The following SBNO1 variants were observed in gnomAD, a reference collection of about 807,000 sequenced individuals.
The protein encoded by SBNO1 is protein strawberry notch homolog 1.
A neutral mutation model predicts 173.6 loss-of-function variants in SBNO1; 23 were observed. The ratio of observed to expected loss-of-function variants is 0.13; its 90% CI spans 0.10 to 0.19. The LOEUF is 0.19. SBNO1 is among the 10% of genes least tolerant of loss of function. SBNO1 has a pLI of 1.00. For synonymous variants in SBNO1, 632 were observed against 571.5 expected, an observed-to-expected ratio of 1.11 and a Z score of -1.51; for missense variants, 1,238 against 1,671.2, an observed-to-expected ratio of 0.74 and a Z score of 4.52.
At chr12:123,320,387 G>A (rs755031820) in intron 19 of SBNO1, 45 bp downstream of exon 19, 4 of 1,501,130 alleles carry the variant, frequency 2.7e-6, no homozygotes, top group Non-Finnish European at 3.7e-6. Flanking sequence ...ATTTTACAGG[G>A]GTTCAAATGG....
At chr12:123,345,718 T>G (rs1411293588) in intron 3 of SBNO1, 148 bp from the exon 4 acceptor site, 3 of 722,608 alleles carry the variant, frequency 4.2e-6, no homozygotes, top group Admixed American at 2.9e-5. Context: ...CATTCTGTCA[T>G]GCAGGCTGAA....
chr12:123,299,680 T>TAAA (rs2048718309), intron 30 of SBNO1, among the ~76,000 whole-genome samples: 1 of 24,706 alleles, frequency 4.0e-5, no homozygotes, highest in Non-Finnish European at 2.4e-4. Flanking sequence ...GACTCTGTCT[T>TAAA]CAAAAAAAAA....
chr12:123,309,348 G>C lies in SBNO1; in HGVS notation c.3592C>G (p.Leu1198Val). 1 of 1,614,154 alleles carries C rather than the reference G, an allele frequency of 6.2e-7. No homozygotes were observed. The highest frequency in any genetic ancestry group is 8.5e-7 in the Non-Finnish European group (1 of 1,179,984). The change falls in exon 28 of 32, where the codon CTG (leucine) becomes GTG (valine). Residue 1198 changes from leucine (L) to valine (V), a missense_variant. Physicochemically the swap from Leu to Val is conservative, Grantham distance 32. Transcript: ENST00000602398. ...WEEATKIWAE[L>V]TGPDDGFYLS... The stretch of plus-strand genomic sequence containing the variant: ...TAAAAGCCATCGTCTGGTCCTGTCA[G>C]CTCAGCCCAAATCTTGGTAGCTTCC...
chr12:123,318,030 T>C (rs950910561), intron 20 of SBNO1, among the ~76,000 whole-genome samples: 5 of 152,200 alleles, frequency 3.3e-5, no homozygotes, highest in African/African-American at 4.8e-5. Context: ...GGTGCAATCA[T>C]AGCTCTCTAC....
chr12:123,297,954 A>T, intron 31 of SBNO1, 24 bp downstream of exon 31: 1 of 1,608,132 alleles, frequency 6.2e-7, no homozygotes, highest in African/African-American at 1.3e-5. Flanking sequence ...CTGCAACTCA[A>T]ACCAAAACAA....
At chr12:123,311,732 A>G (rs61953423) in intron 24 of SBNO1, among the ~76,000 whole-genome samples, 1 of 111,132 alleles carries the variant, frequency 9.0e-6, no homozygotes, top group Non-Finnish European at 1.9e-5. Context: ...ATATATATAT[A>G]TATATATATA....
rs63648160 is a variant in SBNO1 at position 123,290,905 on chromosome 12, GT to G, written c.*5002del. ...GGCACCCGCCACCACGCCTGGCTAA[GT>G]TTTTTTTTTTTTTGTATTTTTAGTA... On this transcript the variant is annotated 3_prime_UTR_variant, in exon 32 of 32. Coordinates refer to ENST00000602398, the MANE Select transcript of SBNO1 (RefSeq NM_001167856.3). The G allele has an allele frequency of 0.05, 7,117 of 143,648 alleles. 291 individuals carry two copies. Among genetic ancestry groups the G allele is most frequent in the East Asian group, 0.25 (1,265 of 4,976 alleles). The allele number at this position is 143,648 out of a possible 1,614,324, so 8.9% of individuals were successfully genotyped here.
At chr12:123,322,342 T>TA (rs889398735) in intron 16 of SBNO1, among the ~76,000 whole-genome samples, 6 of 152,024 alleles carry the variant, frequency 3.9e-5, no homozygotes, top group Admixed American at 1.3e-4. Context: ...TCTCCCAGGC[T>TA]AAAGTGCAGT....
intron 4 of SBNO1, among the ~76,000 whole-genome samples, chr12:123,342,150 C>CTGAGGCAGAGAACTGCT (rs925077204): frequency 6.6e-6 from 1 of 152,056 alleles, no homozygotes; most frequent in African/African-American, 2.4e-5. Flanking sequence ...ACTTGGGAGG[C>CTGAGGCAGAGAACTGCT]TGAGGCAGAG....
intron 3 of SBNO1, among the ~76,000 whole-genome samples, chr12:123,346,447 G>C (rs944598127): frequency 1.3e-5 from 2 of 150,286 alleles, no homozygotes; most frequent in Non-Finnish European, 3.0e-5. Flanking sequence ...GGCGGATCAC[G>C]AGGTCAGGAG....
chr12:123,362,768 C>CAA (rs10587512), intron 1 of SBNO1, among the ~76,000 whole-genome samples: 14 of 76,470 alleles, frequency 1.8e-4, no homozygotes, highest in East Asian at 7.2e-4. Context: ...GACTCCGCCT[C>CAA]AAAAAAAAAA....
intron 31 of SBNO1, 56 bp downstream of exon 31, chr12:123,297,922 A>G: frequency 1.9e-6 from 3 of 1,538,580 alleles, no homozygotes; most frequent in Non-Finnish European, 2.7e-6. Context: ...GCAATGAGAA[A>G]AAAGTCGGAT....
intron 2 of SBNO1, among the ~76,000 whole-genome samples, chr12:123,349,736 G>A (rs1194175383): frequency 6.6e-6 from 1 of 151,844 alleles, no homozygotes; most frequent in Non-Finnish European, 1.5e-5. Context: ...ACAACATGGT[G>A]AAACCCCATC....
intron 3 of SBNO1, among the ~76,000 whole-genome samples, chr12:123,347,254 T>C (rs1873285772): frequency 6.6e-6 from 1 of 151,942 alleles, no homozygotes; most frequent in African/African-American, 2.4e-5. Flanking sequence ...TGAGACAGAG[T>C]CTCGCTCTGT....
At chr12:123,299,681 CAAAA>C (rs538218167) in intron 30 of SBNO1, among the ~76,000 whole-genome samples, 1 of 93,894 alleles carries the variant, frequency 1.1e-5, no homozygotes, top group East Asian at 3.9e-4. Context: ...ACTCTGTCTT[CAAAA>C]AAAAAAAAAA....
intron 1 of SBNO1, among the ~76,000 whole-genome samples, chr12:123,357,366 C>T (rs1041576570): frequency 1.5e-4 from 23 of 151,598 alleles, no homozygotes; most frequent in Admixed American, 2.0e-4. Context: ...AGGAGAACAC[C>T]GGAACCCAGG....
In SBNO1 at chr12:123,336,417, A is replaced by G. The variant is rs1871851217; in HGVS notation, c.726T>C (p.Tyr242=). 1.9e-6 allele frequency: 3 copies of G among 1,606,800 alleles called. No individual in the cohort carries two copies. The highest frequency in any genetic ancestry group is 2.6e-6 in the Non-Finnish European group (3 of 1,174,314). Residue 242 remains tyrosine (Y), a synonymous_variant, in exon 6 of 32, where the codon TAT becomes TAC. Transcript: ENST00000602398. ...TACATTTTATTGGCATGTATTCTGC[A>G]TAGGTTTCTGCATGACCCATTTCTT... ...DEEEMGHAET[Y]AEYMPIKLKI...
intron 8 of SBNO1, 83 bp downstream of exon 8, chr12:123,331,159 T>C: frequency 7.2e-7 from 1 of 1,388,492 alleles, no homozygotes; most frequent in Non-Finnish European, 1.0e-6. Context: ...AGACGGAGTT[T>C]CACTGTGTTA....
At chr12:123,364,356 C>T (rs1386797977) in intron 1 of SBNO1, 5 of 985,104 alleles carry the variant, frequency 5.1e-6, no homozygotes, top group East Asian at 1.1e-4. Flanking sequence ...AAGGGGCGAA[C>T]CCAGCGGAGC....
Sources: gnomAD v4.1 joint callset for allele counts (sites outside exome capture counted in the v4.1 genomes callset) on GRCh38, gnomAD v4.1.1 for gene constraint, MANE v1.5 for transcripts, NCBI Gene and HGNC (gene_info 2026-07-23, HGNC 2026-07-21) for gene names.